Variants in MYT1L observed in about 807,000 individuals in gnomAD.
MYT1L encodes myelin transcription factor 1 like, also known as myelin transcription factor 1-like protein.
Under a neutral mutation model 126.7 loss-of-function variants are expected in MYT1L, and 12 were observed. That is an observed-to-expected ratio of 0.09 (90% CI 0.06 to 0.15). The LOEUF (loss-of-function observed/expected upper bound fraction) is 0.15. Among genes scored for constraint, MYT1L ranks in the 10% least tolerant of loss-of-function variants. The pLI, the probability that MYT1L is intolerant of heterozygous loss-of-function variation, is 1.00. For missense variants in MYT1L, 979 were observed against 1,585.2 expected (o/e 0.62, Z 6.49); for synonymous variants, 541 against 604.2 (o/e 0.90, Z 1.53).
chr2:2,253,908 C>T (rs1263387507), intron 2 of MYT1L, among the ~76,000 whole-genome samples: 1 of 152,142 alleles, frequency 6.6e-6, no homozygotes, highest in East Asian at 1.9e-4. Context: ...AACTTTCATC[C>T]TAAGCTTATT....
chr2:1,876,613 C>T (rs532804298), intron 18 of MYT1L, among the ~76,000 whole-genome samples: 27 of 152,246 alleles, frequency 1.8e-4, no homozygotes, highest in Admixed American at 3.3e-4. Context: ...ACTGAGTCCC[C>T]GCAGCTGACC....
chr2:1,934,291 C>CATATATATATATATATATATATATATAT (rs71276815), intron 9 of MYT1L, among the ~76,000 whole-genome samples: 6 of 123,544 alleles, frequency 4.9e-5, no homozygotes, highest in African/African-American at 9.0e-5. Flanking sequence ...ATTTTTATAA[C>CATATATATATATATATATATATATATAT]ATATATATAT....
chr2:2,155,081 C>T (rs1414131855), intron 3 of MYT1L, among the ~76,000 whole-genome samples: 1 of 152,138 alleles, frequency 6.6e-6, no homozygotes, highest in Non-Finnish European at 1.5e-5. Context: ...GAGCCAAGAT[C>T]GTGCCATTGC....
chr2:1,827,549 G>A (rs568243213), intron 21 of MYT1L: 2 of 152,318 alleles, frequency 1.3e-5, no homozygotes, highest in African/African-American at 4.8e-5. Flanking sequence ...GAGTCCTGGA[G>A]GAACATTCTG....
intron 2 of MYT1L, among the ~76,000 whole-genome samples, chr2:2,200,699 C>A (rs949485111): frequency 6.6e-6 from 1 of 152,178 alleles, no homozygotes; most frequent in Admixed American, 6.5e-5. Context: ...AAAGTCTGAG[C>A]CTTCCAAGGC....
chr2:1,991,804 C>T (rs565578968), intron 5 of MYT1L, among the ~76,000 whole-genome samples: 13 of 152,270 alleles, frequency 8.5e-5, no homozygotes, highest in African/African-American at 3.1e-4. Flanking sequence ...CCCCCAAATC[C>T]ACAGTCTTGT....
intron 3 of MYT1L, among the ~76,000 whole-genome samples, chr2:2,075,212 C>G (rs529027079): frequency 6.6e-6 from 1 of 152,136 alleles, no homozygotes; most frequent in South Asian, 2.1e-4. Context: ...GGTGATCGGC[C>G]TTTTTGGGGC....
intron 3 of MYT1L, among the ~76,000 whole-genome samples, chr2:2,101,450 C>T (rs1456336234): frequency 1.3e-5 from 2 of 152,112 alleles, no homozygotes; most frequent in East Asian, 3.8e-4. Flanking sequence ...ACTCATCAAT[C>T]TACCACCCAC....
chr2:1,802,549 T>C (rs1375341367), intron 22 of MYT1L, among the ~76,000 whole-genome samples: 3 of 152,194 alleles, frequency 2.0e-5, no homozygotes, highest in Non-Finnish European at 4.4e-5. Context: ...CTCGGCCAGG[T>C]GTGTACCTGA....
chr2:1,934,313 C>T (rs1377961410), intron 9 of MYT1L, among the ~76,000 whole-genome samples: 1 of 93,994 alleles, frequency 1.1e-5, no homozygotes, highest in Non-Finnish European at 2.1e-5. Context: ...TATATACAAC[C>T]TCATATATGT....
At chr2:2,032,629 A>G (rs1234133069) in intron 4 of MYT1L, among the ~76,000 whole-genome samples, 2 of 133,886 alleles carry the variant, frequency 1.5e-5, no homozygotes, top group African/African-American at 5.9e-5. Context: ...AGTGCCTCTC[A>G]TCCTGTGGCC....
chr2:2,076,001 A>G (rs1171025252), intron 3 of MYT1L, among the ~76,000 whole-genome samples: 1 of 152,244 alleles, frequency 6.6e-6, no homozygotes, highest in Non-Finnish European at 1.5e-5. Flanking sequence ...ATTTTATCTG[A>G]AATTGCAGCT....
rs2067459154 is a variant in MYT1L, at chr2:2,040,952, A to G, written c.-158+13026T>C. On this transcript the variant is annotated intron_variant, in intron 4 of 24. Transcript: ENST00000647738. ...GTGCTTAGAAAGCAGAAAAATAGGA[A>G]CACTCAAATAAGGCAAAAAGAGAAA... Among the ~76,000 whole-genome samples, 6 of 152,196 alleles carry G rather than the reference A, an allele frequency of 3.9e-5. No individual in the cohort carries two copies. In the South Asian group the frequency reaches 1.2e-3, roughly 32 times the overall value.
At chr2:2,183,430 G>C (rs1336119140) in intron 2 of MYT1L, among the ~76,000 whole-genome samples, 1 of 152,158 alleles carries the variant, frequency 6.6e-6, no homozygotes, top group African/African-American at 2.4e-5. Context: ...CTGGAACCAA[G>C]CCATCCTGTT....
intron 2 of MYT1L, among the ~76,000 whole-genome samples, chr2:2,240,557 A>G (rs2094418656): frequency 6.6e-6 from 1 of 152,210 alleles, no homozygotes; most frequent in Non-Finnish European, 1.5e-5. Flanking sequence ...TTATAGTAAC[A>G]CAAATTAAAA....
At chr2:2,037,987 T>A (rs941273204) in intron 4 of MYT1L, among the ~76,000 whole-genome samples, 1 of 152,196 alleles carries the variant, frequency 6.6e-6, no homozygotes, top group Non-Finnish European at 1.5e-5. Flanking sequence ...TGTGTCCATG[T>A]CTTGCTTTTC....
intron 4 of MYT1L, among the ~76,000 whole-genome samples, chr2:2,008,167 C>T (rs1444131957): frequency 6.6e-6 from 1 of 152,208 alleles, no homozygotes; most frequent in East Asian, 1.9e-4. Flanking sequence ...TTCCCACACC[C>T]TGTGATTGTA....
chr2:1,929,982 G>C lies in MYT1L; in HGVS notation c.506-6719C>G, dbSNP rs1287304460. 6.6e-6 allele frequency among the ~76,000 whole-genome samples: 1 copy of C among 152,192 alleles called. No homozygotes were observed. Among genetic ancestry groups the C allele is most frequent in the African/African-American group, 2.4e-5 (1 of 41,434 alleles). ...AATTTTCTGAGACATAGGAAGATCC[G>C]TGTTTAGCAGGCATTCATCTGCTTC... On this transcript the variant is annotated intron_variant, in intron 9 of 24. Coordinates refer to ENST00000647738, the MANE Select transcript of MYT1L (RefSeq NM_001303052.2). The surrounding 1 kb of genome is among the most constrained non-coding windows in gnomAD (Gnocchi z 4.7).
chr2:2,098,609 C>T (rs552268571), intron 3 of MYT1L, among the ~76,000 whole-genome samples: 1 of 152,268 alleles, frequency 6.6e-6, no homozygotes, highest in African/African-American at 2.4e-5. Context: ...AGGGGTCCTG[C>T]TAAACGCCCT....
Sources: allele counts gnomAD v4.1 joint callset (sites outside exome capture counted in the v4.1 genomes callset), GRCh38; gene constraint gnomAD v4.1.1; non-coding constraint Gnocchi (gnomAD v3.1); transcripts MANE v1.5; gene names NCBI Gene and HGNC (gene_info 2026-07-23, HGNC 2026-07-21).